The following WDPCP variants were observed in gnomAD, a reference collection of about 807,000 sequenced individuals.
The protein encoded by WDPCP is WD repeat-containing and planar cell polarity effector protein fritz homolog.
Under a neutral mutation model 93.1 loss-of-function variants are expected in WDPCP, and 71 were observed. That is an observed-to-expected ratio of 0.76 (90% CI 0.63 to 0.93). WDPCP has a LOEUF of 0.93. Ranked by LOEUF, WDPCP falls within the 40% of genes least tolerant of loss-of-function variation. The pLI is 0.00. For synonymous variants in WDPCP, 315 were observed against 315.0 expected (o/e 1.00, Z 0.00); for missense variants, 844 against 887.4 (o/e 0.95, Z 0.62).
At chr2:63,538,848 GAGTC>G (rs1416750260) in intron 1 of WDPCP, among the ~76,000 whole-genome samples, 11 of 152,274 alleles carry the variant, frequency 7.2e-5, no homozygotes, top group Admixed American at 3.3e-4. Flanking sequence ...ATAGCTCTGA[GAGTC>G]AGTATCCTAT....
chr2:63,710,827 C>A (rs1045116080), intron 2 of WDPCP, among the ~76,000 whole-genome samples: 2 of 152,154 alleles, frequency 1.3e-5, no homozygotes, highest in African/African-American at 4.8e-5. Context: ...GGGAAATAAA[C>A]TAAAACTATG....
rs1681422238 is a variant in WDPCP, at chr2:63,259,405, A to G, written c.1817T>C (p.Ile606Thr). ...DVGARDLFMD[I>T]HYLALDKGEL... ...ACCTTTATCTAGTGCAAGGTAATGA[A>G]TATCCTGAGGAAATAAAGCAAAATA... Residue 606 changes from isoleucine (I) to threonine (T), a missense_variant, in exon 14 of 18, where the codon ATT becomes ACT. Physicochemically the swap from Ile to Thr is moderately conservative, Grantham distance 89. Transcript: ENST00000272321. 6.2e-7 allele frequency: 1 copy of G among 1,609,926 alleles called. No homozygotes were observed. The highest frequency in any genetic ancestry group is 1.7e-4 in the Middle Eastern group (1 of 6,044).
chr2:63,534,563 A>G (rs1558770087), intron 1 of WDPCP, among the ~76,000 whole-genome samples: 1 of 152,234 alleles, frequency 6.6e-6, no homozygotes, highest in Non-Finnish European at 1.5e-5. Context: ...AGCATATACA[A>G]ATCAATAAAC....
At chr2:63,516,350 A>G (rs1363424117) in intron 1 of WDPCP, among the ~76,000 whole-genome samples, 1 of 152,166 alleles carries the variant, frequency 6.6e-6, no homozygotes, top group African/African-American at 2.4e-5. Flanking sequence ...TTTGAAATAT[A>G]CAATAGATTA....
intron 2 of WDPCP, among the ~76,000 whole-genome samples, chr2:63,681,988 G>C (rs1197801507): frequency 6.8e-6 from 1 of 147,564 alleles, no homozygotes. Flanking sequence ...TGGGTTTGGG[G>C]GTGCCCCCAA....
chr2:63,502,384 G>T (rs1701613614), intron 1 of WDPCP, among the ~76,000 whole-genome samples: 1 of 152,086 alleles, frequency 6.6e-6, no homozygotes, highest in Non-Finnish European at 1.5e-5. Flanking sequence ...TTTACATTTT[G>T]ATAGGTATTG....
chr2:63,197,585 A>T (rs1675544682), intron 14 of WDPCP, among the ~76,000 whole-genome samples: 1 of 152,258 alleles, frequency 6.6e-6, no homozygotes, highest in Non-Finnish European at 1.5e-5. Context: ...TGTAAAAAAC[A>T]TCAATAGAAT....
At chr2:63,388,598 C>A (rs929399914) in intron 10 of WDPCP, among the ~76,000 whole-genome samples, 7 of 152,172 alleles carry the variant, frequency 4.6e-5, no homozygotes, top group Non-Finnish European at 1.0e-4. Context: ...GAACAAACTT[C>A]TCCAAGCTAA....
At chr2:63,718,623 T>C (rs1669371017) in intron 2 of WDPCP, among the ~76,000 whole-genome samples, 1 of 152,226 alleles carries the variant, frequency 6.6e-6, no homozygotes, top group Admixed American at 6.5e-5. Flanking sequence ...TTGAGTTGTT[T>C]GAGTTCCTTG....
chr2:63,556,369 T>A (rs113346603), intron 1 of WDPCP, among the ~76,000 whole-genome samples: 316 of 152,266 alleles, frequency 2.1e-3, no homozygotes, highest in African/African-American at 7.3e-3. Context: ...GAACCTGCGA[T>A]TGATTGGGGT....
intron 14 of WDPCP, among the ~76,000 whole-genome samples, chr2:63,234,673 T>G (rs1179988518): frequency 6.6e-6 from 1 of 152,212 alleles, no homozygotes; most frequent in African/African-American, 2.4e-5. Flanking sequence ...TAGTTTATTA[T>G]GGTACTTAGA....
chr2:63,803,021 C>A (rs1391329253), intron 2 of WDPCP, among the ~76,000 whole-genome samples: 1 of 152,122 alleles, frequency 6.6e-6, no homozygotes, highest in Non-Finnish European at 1.5e-5. Context: ...TTTCTAGAGA[C>A]CCTGACATTT....
intron 17 of WDPCP, among the ~76,000 whole-genome samples, chr2:63,130,886 G>A (rs1203317818): frequency 6.6e-6 from 1 of 151,822 alleles, no homozygotes; most frequent in African/African-American, 2.4e-5. Context: ...CTGATGTTTG[G>A]TACATACATA....
At chr2:63,218,679 G>C (rs537781356) in intron 14 of WDPCP, among the ~76,000 whole-genome samples, 1 of 152,114 alleles carries the variant, frequency 6.6e-6, no homozygotes, top group Admixed American at 6.5e-5. Context: ...AAAGGCGTGC[G>C]ACACTACGCC....
At chr2:63,221,914 T>G (rs1677866785) in intron 14 of WDPCP, among the ~76,000 whole-genome samples, 1 of 152,158 alleles carries the variant, frequency 6.6e-6, no homozygotes, top group African/African-American at 2.4e-5. Flanking sequence ...GGTGATGAAA[T>G]AACCTGCAAA....
rs150955198 is a variant in WDPCP at position 63,712,083 on chromosome 2, G to A, written n.309-61245C>T. Among the ~76,000 whole-genome samples the A allele has an allele frequency of 1.2e-4, 19 of 152,224 alleles. No homozygotes were observed. The South Asian group carries it at 1.5e-3, about 12-fold the overall frequency. ...GTGATGCTCTGATTTCTATTTTGGC[G>A]TAATGGGACTTAGAATCTCATTAGG... is the stretch of plus-strand genomic sequence containing the variant. On this transcript the variant is annotated intron_variant and non_coding_transcript_variant, in intron 2 of 4. Transcript: ENST00000467687.
intron 2 of WDPCP, among the ~76,000 whole-genome samples, chr2:63,742,249 G>T (rs1220176858): frequency 6.6e-6 from 1 of 151,858 alleles, no homozygotes; most frequent in Non-Finnish European, 1.5e-5. Context: ...GAAGAGAAAA[G>T]GAAGGAAGGG....
intron 2 of WDPCP, among the ~76,000 whole-genome samples, chr2:63,792,918 TAA>T (rs980404519): frequency 7.0e-6 from 1 of 143,230 alleles, no homozygotes. Context: ...AATAACAGTG[TAA>T]AAAAAAAAAG....
At chr2:63,421,758 C>A (rs1331949316) in intron 9 of WDPCP, among the ~76,000 whole-genome samples, 1 of 152,016 alleles carries the variant, frequency 6.6e-6, no homozygotes, top group Admixed American at 6.6e-5. Context: ...CTACAGACAA[C>A]TAGATGAAGA....
Sources: gnomAD v4.1 joint callset for allele counts (sites outside exome capture counted in the v4.1 genomes callset) on GRCh38, gnomAD v4.1.1 for gene constraint, MANE v1.5 for transcripts, NCBI Gene and HGNC (gene_info 2026-07-23, HGNC 2026-07-21) for gene names.